SYT1: variants seen among roughly 807,000 people sequenced by gnomAD.
SYT1 encodes the protein synaptotagmin 1.
In SYT1, 8 loss-of-function variants were observed where a neutral mutation model predicts 44.8. That is an observed-to-expected ratio of 0.18 (90% CI 0.10 to 0.32). The LOEUF is 0.32. Among genes scored for constraint, SYT1 ranks in the 10% least tolerant of loss-of-function variants. SYT1 has a pLI of 1.00. For synonymous variants in SYT1, 154 were observed against 188.8 expected (o/e 0.82, Z 1.51); for missense variants, 286 against 509.3 (o/e 0.56, Z 4.22).
At chr12:79,169,205 T>C (rs1396783637) in intron 3 of SYT1, among the ~76,000 whole-genome samples, 1 of 152,092 alleles carries the variant, frequency 6.6e-6, no homozygotes, top group Non-Finnish European at 1.5e-5. Context: ...AAGTAATTCT[T>C]ATTCTTTCTT....
At chr12:79,034,976 C>A (rs552537102) in intron 2 of SYT1, among the ~76,000 whole-genome samples, 1 of 151,598 alleles carries the variant, frequency 6.6e-6, no homozygotes, top group African/African-American at 2.4e-5. Flanking sequence ...GGATGCCCAA[C>A]AGTGGAAACC....
At chr12:78,995,693 A>G (rs1870329276) in intron 2 of SYT1, 1 of 152,240 alleles carries the variant, frequency 6.6e-6, no homozygotes, top group South Asian at 2.1e-4. Context: ...TTAAATATCT[A>G]CATCTGTTGG....
intron 3 of SYT1, among the ~76,000 whole-genome samples, chr12:79,215,969 T>C (rs1311913534): frequency 8.5e-6 from 1 of 118,080 alleles, no homozygotes; most frequent in Non-Finnish European, 1.6e-5. Context: ...TTCGCTCTTG[T>C]AGCCCAGGCT....
chr12:79,310,409 G>A (rs1880714626), intron 8 of SYT1, among the ~76,000 whole-genome samples: 1 of 152,022 alleles, frequency 6.6e-6, no homozygotes, highest in African/African-American at 2.4e-5. Context: ...ATGCTGTTTT[G>A]GTTACTGTAG....
At chr12:78,978,300 T>C (rs1868992395) in intron 2 of SYT1, among the ~76,000 whole-genome samples, 1 of 152,182 alleles carries the variant, frequency 6.6e-6, no homozygotes, top group Admixed American at 6.5e-5. Flanking sequence ...GAATATGCCA[T>C]GGCATCTGCC....
chr12:79,348,998 GGAAAGAAA>G (rs71865653), intron 8 of SYT1, among the ~76,000 whole-genome samples: 64,384 of 124,986 alleles, frequency 0.52, 16,421 homozygotes, highest in East Asian at 0.71. Flanking sequence ...AAAGAGAGAA[GGAAAGAAA>G]GAAAGAAAGA....
intron 9 of SYT1, among the ~76,000 whole-genome samples, chr12:79,426,538 C>T (rs1869459677): frequency 6.6e-6 from 1 of 152,130 alleles, no homozygotes; most frequent in Non-Finnish European, 1.5e-5. Context: ...TAAGAAAATT[C>T]ATGTCCTTAA....
intron 2 of SYT1, among the ~76,000 whole-genome samples, chr12:79,037,138 T>G (rs1873187920): frequency 6.6e-6 from 1 of 151,846 alleles, no homozygotes; most frequent in Non-Finnish European, 1.5e-5. Flanking sequence ...TTCACATCTC[T>G]GCAGATTTCA....
intron 8 of SYT1, among the ~76,000 whole-genome samples, chr12:79,352,545 C>G (rs751056780): frequency 6.6e-6 from 1 of 152,140 alleles, no homozygotes; most frequent in Non-Finnish European, 1.5e-5. Context: ...GGGCATACAA[C>G]AAACTCTCTC....
chr12:79,233,292 T>G (rs559095519), intron 4 of SYT1, among the ~76,000 whole-genome samples: 1 of 152,232 alleles, frequency 6.6e-6, no homozygotes, highest in Non-Finnish European at 1.5e-5. Context: ...ATAAGATTAG[T>G]TCATTTTACA....
At chr12:79,011,657 TA>T (rs11289217) in intron 2 of SYT1, among the ~76,000 whole-genome samples, 8,240 of 108,138 alleles carry the variant, frequency 0.076, 227 homozygotes, top group Admixed American at 0.1. Flanking sequence ...CAGAGATTTG[TA>T]AAAAAAAAAA....
At chr12:79,114,483 C>G (rs1879175258) in intron 3 of SYT1, among the ~76,000 whole-genome samples, 1 of 152,088 alleles carries the variant, frequency 6.6e-6, no homozygotes, top group Non-Finnish European at 1.5e-5. Flanking sequence ...CTCAATTCCT[C>G]CAACCCCTAA....
chr12:79,192,165 CCTAG>C (rs1312935284), intron 3 of SYT1, among the ~76,000 whole-genome samples: 11 of 152,040 alleles, frequency 7.2e-5, no homozygotes, highest in Admixed American at 7.2e-4. Context: ...GTCAGAAATA[CCTAG>C]CAAGGACTAG....
At chr12:79,203,322 C>T (rs1205595774) in intron 3 of SYT1, among the ~76,000 whole-genome samples, 2 of 152,142 alleles carry the variant, frequency 1.3e-5, no homozygotes, top group Admixed American at 1.3e-4. Context: ...TCTGCCTTCC[C>T]TTTCACCAGA....
chr12:78,891,932 T>TA (rs1261278805), intron 1 of SYT1, among the ~76,000 whole-genome samples: 1 of 151,884 alleles, frequency 6.6e-6, no homozygotes, highest in Non-Finnish European at 1.5e-5. Context: ...ATTGTTCAAA[T>TA]AAATTCTATG....
At chr12:79,196,176 TTG>T (rs1491020021) in intron 3 of SYT1, among the ~76,000 whole-genome samples, 3 of 22,226 alleles carry the variant, frequency 1.3e-4, no homozygotes, top group South Asian at 8.2e-4. Flanking sequence ...GTTGTTGTTG[TTG>T]TTGTTGTTGA....
At chr12:79,078,858 A>G (rs1310730807) in intron 3 of SYT1, among the ~76,000 whole-genome samples, 1 of 152,162 alleles carries the variant, frequency 6.6e-6, no homozygotes, top group Non-Finnish European at 1.5e-5. Flanking sequence ...TTTTATACAT[A>G]CTGTTTGCCC....
chr12:79,376,205 G>T (rs903400510), intron 9 of SYT1, among the ~76,000 whole-genome samples: 3 of 152,166 alleles, frequency 2.0e-5, no homozygotes, highest in African/African-American at 7.2e-5. Context: ...GAGGAATTCA[G>T]GGCGAGTCTG....
chr12:79,089,498 A>G (rs1382876630), intron 3 of SYT1, among the ~76,000 whole-genome samples: 1 of 141,100 alleles, frequency 7.1e-6, no homozygotes, highest in Non-Finnish European at 1.5e-5. Context: ...AAGTCAACTG[A>G]AAAAAAAAAA....
Sources: allele counts gnomAD v4.1 joint callset (sites outside exome capture counted in the v4.1 genomes callset), GRCh38; gene constraint gnomAD v4.1.1; transcripts MANE v1.5; gene names NCBI Gene and HGNC (gene_info 2026-07-23, HGNC 2026-07-21).